The following ARL8B variants were observed in gnomAD, a reference collection of about 807,000 sequenced individuals.
ARL8B encodes ARF like GTPase 8B.
A neutral mutation model predicts 30.6 loss-of-function variants in ARL8B; 9 were observed. The ratio of observed to expected loss-of-function variants is 0.29; its 90% confidence interval spans 0.18 to 0.51. The LOEUF (loss-of-function observed/expected upper bound fraction) is 0.51, where lower values mean the gene tolerates loss of function less well. Among genes scored for constraint, ARL8B ranks in the 20% least tolerant of loss-of-function variants. The pLI is 0.97. For synonymous variants in ARL8B, 74 were observed against 76.0 expected (o/e 0.97, Z 0.14); for missense variants, 130 against 227.2 (o/e 0.57, Z 2.75).
At chr3:5,174,655 TATATA>T (rs1351005632) in intron 6 of ARL8B, among the ~76,000 whole-genome samples, 7 of 141,732 alleles carry the variant, frequency 4.9e-5, no homozygotes, top group South Asian at 2.2e-4. Context: ...TACAAATATA[TATATA>T]ATATAATATA....
At chr3:5,170,705 C>A in intron 2 of ARL8B, 122 bp downstream of exon 2, 1 of 623,340 alleles carries the variant, frequency 1.6e-6, no homozygotes, top group Non-Finnish European at 2.7e-6. Context: ...GTGCATGTTT[C>A]AAAAGAATAG....
chr3:5,129,573 C>T (rs2054263714), intron 1 of ARL8B, among the ~76,000 whole-genome samples: 1 of 151,944 alleles, frequency 6.6e-6, no homozygotes, highest in South Asian at 2.1e-4. Context: ...CAAGTTCTTG[C>T]TCTGTTGCCC....
rs35897178 is a variant in ARL8B, at chr3:5,124,256, A to ATTTT, written c.123+1693_123+1696dup. 5.2e-4 allele frequency among the ~76,000 whole-genome samples: 55 copies of ATTTT among 105,694 alleles called. 1 individual carries two copies. Among genetic ancestry groups the ATTTT allele is most frequent in the African/African-American group, 1.8e-3 (48 of 27,030 alleles). The allele number at this position is 105,694 out of a possible 152,430, so 69.3% of individuals were successfully genotyped here. ...GTGGAATGTGTATCTAATACCACTA[A>ATTTT]TTTTTTTTTTTTTTTTTTTTTTTTT... On this transcript the variant is annotated intron_variant, in intron 1 of 6. Transcript: ENST00000256496.
chr3:5,141,253 G>A (rs1010890830), intron 1 of ARL8B, among the ~76,000 whole-genome samples: 4 of 152,100 alleles, frequency 2.6e-5, no homozygotes, highest in African/African-American at 9.7e-5. Flanking sequence ...ATTATGCCTC[G>A]AAAATGGACC....
At position 5,160,247 on chromosome 3, in the gene ARL8B, T is replaced by G. The variant is rs551425912; in HGVS notation, c.124-10256T>G. 3.3e-5 allele frequency among the ~76,000 whole-genome samples: 5 copies of G among 152,372 alleles called. No homozygotes were observed. In the South Asian group the frequency reaches 1.0e-3, roughly 32 times the overall value. ...TGTCCCTTTTTATGTTGCTGTTGGC[T>G]CATCAATGTTTCTGAATATTTGAGT... On this transcript the variant is annotated intron_variant, in intron 1 of 6. Transcript: ENST00000256496.
chr3:5,170,926 T>A (rs960932657), intron 2 of ARL8B: 21 of 175,926 alleles, frequency 1.2e-4, no homozygotes, highest in African/African-American at 5.0e-4. Context: ...GAGACAGGGT[T>A]TCACCATGTT....
At chr3:5,145,444 G>C (rs180710665) in intron 1 of ARL8B, among the ~76,000 whole-genome samples, 8 of 152,296 alleles carry the variant, frequency 5.3e-5, no homozygotes, top group African/African-American at 1.9e-4. Context: ...CAGCAGGGCT[G>C]TGGCAGCTAC....
intron 1 of ARL8B, among the ~76,000 whole-genome samples, chr3:5,140,700 G>A (rs546159495): frequency 1.3e-5 from 2 of 152,252 alleles, no homozygotes; most frequent in Admixed American, 6.5e-5. Flanking sequence ...GTGTGCAGCC[G>A]TATGTATGGA....
At position 5,180,775 on chromosome 3, in the gene ARL8B, A is replaced by G. The variant is rs1433359575; in HGVS notation, c.*2062A>G. ...TTGGCAATTTTAACTTAAAATGTGC[A>G]TCATGATGGAAGGTGCAGACTTTTT... On this transcript the variant is annotated 3_prime_UTR_variant, in exon 7 of 7. Transcript: ENST00000256496. 1 of 152,682 alleles carries G rather than the reference A, an allele frequency of 6.5e-6. No individual in the cohort carries two copies. The highest frequency in any genetic ancestry group is 1.5e-5 in the Non-Finnish European group (1 of 68,050). 9.5% of individuals were successfully genotyped at this position (152,682 alleles called of 1,614,324 possible).
Position 5,170,599 on chromosome 3 carries a change from C to T in ARL8B, c.204+16C>T, listed in dbSNP as rs939185158. 17 of 1,584,170 alleles carry T rather than the reference C, an allele frequency of 1.1e-5. No homozygotes were observed. Among genetic ancestry groups the T allele is most frequent in the Non-Finnish European group, 1.4e-5 (16 of 1,155,992 alleles). ...CACAATAAAGGTAAGTTATTTCTTGCCGTACGCAATTTAAATTGTTAGCAC... is the reference window on the plus strand; with the variant it reads ...CACAATAAAGGTAAGTTATTTCTTGTCGTACGCAATTTAAATTGTTAGCAC... On this transcript the variant is annotated intron_variant, in intron 2 of 6. Transcript: ENST00000256496.
chr3:5,143,515 G>T (rs185026940), intron 1 of ARL8B, among the ~76,000 whole-genome samples: 1 of 152,322 alleles, frequency 6.6e-6, no homozygotes, highest in African/African-American at 2.4e-5. Flanking sequence ...CGTAGCACAG[G>T]TGATCCATGC....
intron 1 of ARL8B, among the ~76,000 whole-genome samples, chr3:5,160,497 T>C (rs1318468409): frequency 6.6e-6 from 1 of 152,214 alleles, no homozygotes; most frequent in Non-Finnish European, 1.5e-5. Context: ...AGGCTCCTAA[T>C]TGAAATTGTG....
chr3:5,168,154 A>G (rs956166495), intron 1 of ARL8B, among the ~76,000 whole-genome samples: 1 of 151,946 alleles, frequency 6.6e-6, no homozygotes, highest in Non-Finnish European at 1.5e-5. Context: ...TAAGATCTCA[A>G]CCTCCACCTC....
At chr3:5,137,120 A>G (rs1038837113) in intron 1 of ARL8B, among the ~76,000 whole-genome samples, 1 of 152,184 alleles carries the variant, frequency 6.6e-6, no homozygotes, top group African/African-American at 2.4e-5. Flanking sequence ...TGGATATGCC[A>G]GAATTCTGTG....
At chr3:5,137,776 G>A (rs970103758) in intron 1 of ARL8B, among the ~76,000 whole-genome samples, 10 of 151,616 alleles carry the variant, frequency 6.6e-5, no homozygotes, top group African/African-American at 4.8e-5. Context: ...TTTTTGTGGC[G>A]ACAGGATCTC....
intron 1 of ARL8B, among the ~76,000 whole-genome samples, chr3:5,137,508 G>A (rs376125496): frequency 1.3e-5 from 2 of 149,662 alleles, no homozygotes; most frequent in African/African-American, 4.9e-5. Flanking sequence ...TTTGATCTTG[G>A]CTCACTGCAA....
At chr3:5,147,492 T>C (rs2054438802) in intron 1 of ARL8B, among the ~76,000 whole-genome samples, 1 of 152,190 alleles carries the variant, frequency 6.6e-6, no homozygotes, top group African/African-American at 2.4e-5. Context: ...GCCCTGGCTT[T>C]CCACACTCGT....
chr3:5,141,438 A>G (rs1423695145), intron 1 of ARL8B, among the ~76,000 whole-genome samples: 2 of 152,110 alleles, frequency 1.3e-5, no homozygotes, highest in African/African-American at 2.4e-5. Flanking sequence ...CTGGTAACTT[A>G]TTGGCATTGT....
At chr3:5,146,759 A>C (rs1271960507) in intron 1 of ARL8B, among the ~76,000 whole-genome samples, 1 of 152,198 alleles carries the variant, frequency 6.6e-6, no homozygotes, top group Non-Finnish European at 1.5e-5. Context: ...TTCTGGTCCC[A>C]ATCTAATTAA....
Sources: allele counts gnomAD v4.1 joint callset (sites outside exome capture counted in the v4.1 genomes callset), GRCh38; gene constraint gnomAD v4.1.1; transcripts MANE v1.5; gene names NCBI Gene and HGNC (gene_info 2026-07-23, HGNC 2026-07-21).